Variants in BRINP2 observed in about 807,000 individuals in gnomAD.
BRINP2 encodes BMP/retinoic acid inducible neural specific 2.
Under a neutral mutation model 69.2 loss-of-function variants are expected in BRINP2, and 21 were observed. The observed-to-expected ratio is 0.30, with a 90% CI of 0.22 to 0.44. The LOEUF (loss-of-function observed/expected upper bound fraction) is 0.44, where lower values mean the gene tolerates loss of function less well. BRINP2 is among the 20% of genes least tolerant of loss of function. The probability of loss-of-function intolerance (pLI) is 1.00; values close to 1 mark genes in which losing one functional copy is unlikely to be tolerated. For synonymous variants in BRINP2, 380 were observed against 394.1 expected, an observed-to-expected ratio of 0.96 and a Z score of 0.42; for missense variants, 877 against 986.0, an observed-to-expected ratio of 0.89 and a Z score of 1.48.
intron 1 of BRINP2, among the ~76,000 whole-genome samples, chr1:177,228,717 G>T (rs1414309502): frequency 6.6e-6 from 1 of 152,202 alleles, no homozygotes; most frequent in Non-Finnish European, 1.5e-5. Context: ...AGGAATTAAA[G>T]ATTGAGGAAA....
At chr1:177,183,583 C>G (rs1215773182) in intron 1 of BRINP2, among the ~76,000 whole-genome samples, 1 of 152,164 alleles carries the variant, frequency 6.6e-6, no homozygotes, top group Non-Finnish European at 1.5e-5. Context: ...AGATACTAAG[C>G]TTAGGACACA....
chr1:177,197,556 C>A (rs1400422619), intron 1 of BRINP2, among the ~76,000 whole-genome samples: 2 of 152,088 alleles, frequency 1.3e-5, no homozygotes, highest in South Asian at 2.1e-4. Flanking sequence ...TGTCTGCAAG[C>A]CAGGAAGGGA....
chr1:177,274,284 G>C (rs932198291), intron 5 of BRINP2, among the ~76,000 whole-genome samples: 3 of 152,204 alleles, frequency 2.0e-5, no homozygotes, highest in Non-Finnish European at 4.4e-5. Context: ...CAGGCATCCT[G>C]GGGGCAGGGC....
intron 2 of BRINP2, among the ~76,000 whole-genome samples, chr1:177,250,659 A>G (rs1462057148): frequency 6.6e-6 from 1 of 152,220 alleles, no homozygotes. Flanking sequence ...TTCTTTCTCC[A>G]GTGAAATTCT....
intron 1 of BRINP2, among the ~76,000 whole-genome samples, chr1:177,202,319 G>C (rs1407266091): frequency 1.3e-5 from 2 of 152,084 alleles, no homozygotes; most frequent in Non-Finnish European, 2.9e-5. Context: ...GATCTTTCCT[G>C]CTTTCTCTTG....
chr1:177,216,044 G>T lies in BRINP2; in HGVS notation c.-76-13757G>T, dbSNP rs137909267. 1.4e-4 allele frequency among the ~76,000 whole-genome samples: 22 copies of T among 152,000 alleles called. No homozygotes were observed. In the East Asian group the frequency reaches 3.9e-3, roughly 27 times the overall value. ...AATCTCTTATGTACAGCATATACTT[G>T]GACCTTGGATTTTTATCTATAAATT... On this transcript the variant is annotated intron_variant, in intron 1 of 7. Transcript: ENST00000361539.
At chr1:177,266,679 G>A (rs1470404776) in intron 4 of BRINP2, among the ~76,000 whole-genome samples, 1 of 146,786 alleles carries the variant, frequency 6.8e-6, no homozygotes, top group Non-Finnish European at 1.5e-5. Flanking sequence ...AGAATGGCAT[G>A]AACTGGCGAG....
At chr1:177,275,198 G>A (rs769532845) in intron 5 of BRINP2, 24 of 456,278 alleles carry the variant, frequency 5.3e-5, no homozygotes, top group Non-Finnish European at 8.4e-5. Flanking sequence ...TCCAGCAGCC[G>A]CCTTGTGAGT....
At chr1:177,186,444 A>G (rs1243215071) in intron 1 of BRINP2, among the ~76,000 whole-genome samples, 1 of 152,144 alleles carries the variant, frequency 6.6e-6, no homozygotes, top group Non-Finnish European at 1.5e-5. Flanking sequence ...GCACCAACCT[A>G]AAACGTTGTA....
chr1:177,252,995 G>A (rs1650630802), intron 2 of BRINP2, among the ~76,000 whole-genome samples: 1 of 152,064 alleles, frequency 6.6e-6, no homozygotes, highest in African/African-American at 2.4e-5. Context: ...TTTGAATGGT[G>A]CTGCAATAAA....
chr1:177,230,078 G>T lies in BRINP2; in HGVS notation c.202G>T (p.Ala68Ser), dbSNP rs751983601. 4 of 1,613,778 alleles carry T rather than the reference G, an allele frequency of 2.5e-6. No homozygotes were observed. The highest frequency in any genetic ancestry group is 3.4e-6 in the Non-Finnish European group (4 of 1,179,996). ...LLTDRGPFHR[A>S]QEYADFMERY... ...CACAGACCGGGGCCCCTTCCACCGCGCTCAGGAGTATGCTGACTTCATGGA... is the reference window on the plus strand; with the variant it reads ...CACAGACCGGGGCCCCTTCCACCGCTCTCAGGAGTATGCTGACTTCATGGA... Residue 68 changes from alanine (A) to serine (S), a missense_variant, in exon 2 of 8, where the codon GCT (alanine) becomes TCT (serine). Around this residue, in one of 3 missense-constraint regions of BRINP2, gnomAD observed 566 missense variants for 625.2 expected, o/e 0.91. Coordinates refer to ENST00000361539, the MANE Select transcript of BRINP2 (RefSeq NM_021165.4).
intron 1 of BRINP2, among the ~76,000 whole-genome samples, chr1:177,198,443 C>G (rs930088987): frequency 1.3e-5 from 2 of 152,216 alleles, no homozygotes; most frequent in East Asian, 1.9e-4. Context: ...TATGCACACA[C>G]ACACCCAGTT....
chr1:177,225,602 T>C (rs888817590), intron 1 of BRINP2, among the ~76,000 whole-genome samples: 2 of 152,200 alleles, frequency 1.3e-5, no homozygotes, highest in African/African-American at 2.4e-5. Context: ...ACAGTTAAAA[T>C]TTGCTTGACA....
At chr1:177,236,843 G>A (rs1650042876) in intron 2 of BRINP2, among the ~76,000 whole-genome samples, 1 of 150,320 alleles carries the variant, frequency 6.7e-6, no homozygotes, top group South Asian at 2.2e-4. Flanking sequence ...TTCCCCACTG[G>A]TTATTTATGC....
rs74573988 is a variant in BRINP2, at chr1:177,225,291, C to T, written c.-76-4510C>T. ...AGCTGATGCAGTTAACAAAGGAAAA[C>T]CCATGACTTGGTTTACCTTTACGTT... On this transcript the variant is annotated intron_variant, in intron 1 of 7. Transcript: ENST00000361539. Among the ~76,000 whole-genome samples, 361 of 152,280 alleles carry T rather than the reference C, an allele frequency of 2.4e-3. 1 individual carries two copies. The highest frequency in any genetic ancestry group is 8.4e-3 in the African/African-American group (348 of 41,558).
intron 2 of BRINP2, among the ~76,000 whole-genome samples, chr1:177,254,463 T>A (rs186427451): frequency 7.9e-5 from 12 of 152,156 alleles, no homozygotes; most frequent in African/African-American, 2.9e-4. Context: ...TTTTATTAAA[T>A]CCTGACCCTT....
chr1:177,256,459 AC>A (rs1650762097), intron 3 of BRINP2: 1 of 985,226 alleles, frequency 1.0e-6, no homozygotes, highest in African/African-American at 1.7e-5. Context: ...CAATGGTCAG[AC>A]CCACAGGCAA....
intron 1 of BRINP2, among the ~76,000 whole-genome samples, chr1:177,219,444 T>A (rs1398331888): frequency 2.0e-5 from 3 of 152,374 alleles, no homozygotes; most frequent in Admixed American, 2.0e-4. Flanking sequence ...TTATTGACAT[T>A]CATTGAGCGG....
rs746256784 is a variant in BRINP2, at chr1:177,256,036, C to T, written c.387C>T (p.Pro129=). 2 of 1,614,160 alleles carry T rather than the reference C, an allele frequency of 1.2e-6. No homozygotes were observed. The highest frequency in any genetic ancestry group is 2.2e-5 in the East Asian group (1 of 44,882). The change falls in exon 3 of 8, where the codon CCC becomes CCT. Residue 129 remains proline, a synonymous_variant. Coordinates refer to ENST00000361539, the MANE Select transcript of BRINP2 (RefSeq NM_021165.4). Reference sequence around the variant, plus strand: ...ACATTCGCCTCCTTGGAAGGAGACCCAATCTGCAACAGGTTACAGAAAATC... The same window carrying T: ...ACATTCGCCTCCTTGGAAGGAGACCTAATCTGCAACAGGTTACAGAAAATC... ...IRNIRLLGRR[P]NLQQVTENLI...
Sources: allele counts gnomAD v4.1 joint callset (sites outside exome capture counted in the v4.1 genomes callset), GRCh38; gene constraint gnomAD v4.1.1; regional missense constraint gnomAD v4.1.1; transcripts MANE v1.5; gene names NCBI Gene and HGNC (gene_info 2026-07-23, HGNC 2026-07-21).